PHLPP2: variants seen among roughly 807,000 people sequenced by gnomAD.
The protein encoded by PHLPP2 is PH domain and leucine rich repeat protein phosphatase 2.
PHLPP2 carries 66 observed loss-of-function variants against 124.9 expected under a neutral mutation model. The observed-to-expected ratio is 0.53, with a 90% CI of 0.43 to 0.65. The LOEUF (loss-of-function observed/expected upper bound fraction) is 0.65. Among genes scored for constraint, PHLPP2 ranks in the 30% least tolerant of loss-of-function variants. The pLI, the probability that PHLPP2 is intolerant of heterozygous loss-of-function variation, is 0.00. For missense variants in PHLPP2, 1,685 were observed against 1,600.4 expected, an observed-to-expected ratio of 1.05 and a Z score of -0.90; for synonymous variants, 681 against 624.7, an observed-to-expected ratio of 1.09 and a Z score of -1.34.
At chr16:71,719,599 C>A (rs992636772) in intron 1 of PHLPP2, among the ~76,000 whole-genome samples, 1 of 151,572 alleles carries the variant, frequency 6.6e-6, no homozygotes, top group Non-Finnish European at 1.5e-5. Context: ...TTGCTCAACA[C>A]CCAAAACTAT....
chr16:71,712,802 C>A (rs539048344), intron 2 of PHLPP2, among the ~76,000 whole-genome samples: 1 of 152,282 alleles, frequency 6.6e-6, no homozygotes, highest in Admixed American at 6.5e-5. Context: ...AAAGGTGTTA[C>A]TATTATTACC....
rs201737360 is a variant in PHLPP2, at chr16:71,669,305, C to T, written c.1598G>A (p.Ser533Asn). 7 of 1,612,178 alleles carry T rather than the reference C, an allele frequency of 4.3e-6. No homozygotes were observed. The East Asian group carries it at 8.9e-5, about 21-fold the overall frequency. Reference protein sequence around the residue: ...EAKKIEVLDVSYNLLTEVPVR... With the variant: ...EAKKIEVLDVNYNLLTEVPVR... ...GGGAACCTCTGTGAGAAGATTATAG[C>T]TCACATCTAATACTTCTATCTTCTT... The change falls in exon 11 of 19, where the codon AGC becomes AAC. Residue 533 changes from serine to asparagine, a missense_variant. Physicochemically the swap from Ser to Asn is conservative, Grantham distance 46. Transcript: ENST00000568954.
In PHLPP2 at chr16:71,649,123, G is replaced by A; in HGVS notation, c.3739C>T (p.Pro1247Ser). Reference sequence around the variant, plus strand: ...ATGAGGTTCAGGCTGTCCTCTAGGGGCACAATAGAGCCATTGGAGAGTTTC... The same window carrying A: ...ATGAGGTTCAGGCTGTCCTCTAGGGACACAATAGAGCCATTGGAGAGTTTC... Reference protein sequence around the residue: ...GKKLSNGSIVPLEDSLNLIEV... With the variant: ...GKKLSNGSIVSLEDSLNLIEV... The change falls in exon 19 of 19, where the codon CCC becomes TCC. Residue 1247 changes from proline to serine, a missense_variant. Coordinates refer to ENST00000568954, the MANE Select transcript of PHLPP2 (RefSeq NM_015020.3). 1 of 1,613,862 alleles carries A rather than the reference G, an allele frequency of 6.2e-7. No homozygotes were observed. Among genetic ancestry groups the A allele is most frequent in the Non-Finnish European group, 8.5e-7 (1 of 1,179,780 alleles).
At chr16:71,723,666 C>T (rs918109532) in intron 1 of PHLPP2, 73 of 494,400 alleles carry the variant, frequency 1.5e-4, no homozygotes, top group African/African-American at 1.4e-3. Flanking sequence ...TCAGCCACTG[C>T]GCGGGGCGGG....
At chr16:71,655,685 A>T (rs1045883929) in intron 16 of PHLPP2, among the ~76,000 whole-genome samples, 1 of 151,892 alleles carries the variant, frequency 6.6e-6, no homozygotes, top group Non-Finnish European at 1.5e-5. Flanking sequence ...TTGTATTTTT[A>T]GTAGAGATGT....
chr16:71,678,463 C>T, intron 8 of PHLPP2: 1 of 309,082 alleles, frequency 3.2e-6, no homozygotes. Context: ...CATGGTGAAA[C>T]CTCATCTCTA....
At chr16:71,660,810 A>G (rs2145314863) in intron 13 of PHLPP2, among the ~76,000 whole-genome samples, 1 of 152,126 alleles carries the variant, frequency 6.6e-6, no homozygotes, top group East Asian at 1.9e-4. Context: ...CTGACTTGTA[A>G]ATAGAAATGC....
intron 17 of PHLPP2, 157 bp downstream of exon 17, chr16:71,655,083 G>A (rs1431613120): frequency 1.9e-5 from 11 of 585,894 alleles, no homozygotes; most frequent in Non-Finnish European, 2.4e-5. Context: ...CGAAGTCCCC[G>A]CACTCCATGC....
At position 71,679,380 on chromosome 16, in the gene PHLPP2, G is replaced by C. The variant is rs1260017691; in HGVS notation, c.1037+9C>G. On this transcript the variant is annotated intron_variant, in intron 7 of 18. Coordinates refer to ENST00000568954, the MANE Select transcript of PHLPP2 (RefSeq NM_015020.3). ...AAGGGAAAAGAGGAATCTAGTAAAA[G>C]TTACTTACTTTAGCAGATTGCCAAT... 1.2e-6 allele frequency: 2 copies of C among 1,612,336 alleles called. No individual in the cohort carries two copies.
chr16:71,718,512 G>A (rs537976497), intron 1 of PHLPP2, among the ~76,000 whole-genome samples: 74 of 151,694 alleles, frequency 4.9e-4, no homozygotes, highest in African/African-American at 1.5e-3. Context: ...CCTGGGAGGC[G>A]GAGGCCACAG....
chr16:71,700,495 T>C (rs1339479928), intron 3 of PHLPP2, among the ~76,000 whole-genome samples: 4 of 150,378 alleles, frequency 2.7e-5, no homozygotes, highest in Non-Finnish European at 5.9e-5. Flanking sequence ...CTCTATAGTA[T>C]GGGCTGTGTT....
chr16:71,724,047 G>T, intron 1 of PHLPP2: 1 of 168,970 alleles, frequency 5.9e-6, no homozygotes, highest in Non-Finnish European at 1.2e-5. Context: ...GGCGCCGAGT[G>T]GCCCGGGCGC....
intron 9 of PHLPP2, among the ~76,000 whole-genome samples, chr16:71,674,892 G>A (rs2044931727): frequency 6.6e-6 from 1 of 152,156 alleles, no homozygotes; most frequent in Admixed American, 6.5e-5. Flanking sequence ...AGCTACTCAG[G>A]AGGCTAAGAG....
chr16:71,679,285 T>C, intron 7 of PHLPP2, 104 bp downstream of exon 7: 2 of 1,008,630 alleles, frequency 2.0e-6, no homozygotes, highest in Non-Finnish European at 3.1e-6. Context: ...AAGTAGTACA[T>C]GATATAGTTC....
At chr16:71,701,885 T>G (rs1245021446) in intron 3 of PHLPP2, among the ~76,000 whole-genome samples, 1 of 152,216 alleles carries the variant, frequency 6.6e-6, no homozygotes, top group Non-Finnish European at 1.5e-5. Flanking sequence ...AATTTATCAA[T>G]TAAACTTTAC....
rs202197713 is a variant in PHLPP2 at position 71,649,427 on chromosome 16, G to A, written c.3435C>T (p.Asn1145=). ...GCTGGTCATCATCACTGTCCAGGCCGTTGTCAGACTGGTTACTGGAGAAGG... is the reference window on the plus strand; with the variant it reads ...GCTGGTCATCATCACTGTCCAGGCCATTGTCAGACTGGTTACTGGAGAAGG... ...SATFSSNQSD[N]GLDSDDDQPV... The change falls in exon 19 of 19, where the codon AAC becomes AAT. Residue 1145 remains asparagine, a synonymous_variant. Coordinates refer to ENST00000568954, the MANE Select transcript of PHLPP2 (RefSeq NM_015020.3). The A allele has an allele frequency of 1.3e-4, 211 of 1,613,976 alleles. No homozygotes were observed. The highest frequency in any genetic ancestry group is 1.6e-4 in the Non-Finnish European group (192 of 1,179,998).
rs142040816 is a variant in PHLPP2, at chr16:71,697,848, A to ATT, written c.418+4748_418+4749dup. Among the ~76,000 whole-genome samples the ATT allele has an allele frequency of 3.9e-3, 467 of 119,010 alleles. 8 individuals carry two copies. The highest frequency in any genetic ancestry group is 8.4e-3 in the African/African-American group (261 of 30,902). 78.1% of individuals were successfully genotyped at this position (119,010 alleles called of 152,430 possible). ...TTTTTTAAGGTGAACAGGAAGTAGG[A>ATT]TTTTTTTTTTTTTTTTTGAGATGGA... On this transcript the variant is annotated intron_variant, in intron 3 of 18. Coordinates refer to ENST00000568954, the MANE Select transcript of PHLPP2 (RefSeq NM_015020.3).
chr16:71,666,554 A>G (rs2044841963), intron 12 of PHLPP2, among the ~76,000 whole-genome samples: 1 of 152,124 alleles, frequency 6.6e-6, no homozygotes, highest in East Asian at 1.9e-4. Context: ...CAAAAAACAA[A>G]TAAACTCCAC....
intron 1 of PHLPP2, chr16:71,723,780 G>C: frequency 3.0e-6 from 4 of 1,336,120 alleles, no homozygotes; most frequent in Non-Finnish European, 3.9e-6. Flanking sequence ...TTCAGGACCC[G>C]GATCCCTCCC....
Sources: gnomAD v4.1 joint callset for allele counts (sites outside exome capture counted in the v4.1 genomes callset) on GRCh38, gnomAD v4.1.1 for gene constraint, MANE v1.5 for transcripts, NCBI Gene and HGNC (gene_info 2026-07-23, HGNC 2026-07-21) for gene names.